The following MYO1E variants were observed in gnomAD, a reference collection of about 807,000 sequenced individuals.
The protein encoded by MYO1E is myosin IE, also known as unconventional myosin-Ie.
MYO1E carries 68 observed loss-of-function variants against 151.1 expected under a neutral mutation model. That is an observed-to-expected ratio of 0.45 (90% CI 0.37 to 0.55). MYO1E has a LOEUF of 0.55. Ranked by LOEUF, MYO1E falls within the 20% of genes least tolerant of loss-of-function variation. MYO1E has a pLI of 0.00. For missense variants in MYO1E, 1,363 were observed against 1,389.3 expected (o/e 0.98, Z 0.30); for synonymous variants, 601 against 501.7 (o/e 1.20, Z -2.64).
At chr15:59,342,738 G>T (rs2080772992) in intron 1 of MYO1E, among the ~76,000 whole-genome samples, 1 of 151,950 alleles carries the variant, frequency 6.6e-6, no homozygotes, top group Non-Finnish European at 1.5e-5. Context: ...TTCTCAGTTG[G>T]CACATTTTAA....
At chr15:59,258,472 TTTGA>T (rs774924711) in intron 3 of MYO1E, among the ~76,000 whole-genome samples, 1 of 152,264 alleles carries the variant, frequency 6.6e-6, no homozygotes, top group African/African-American at 2.4e-5. Context: ...GTTGGCCACC[TTTGA>T]TTGGCCAAAA....
intron 22 of MYO1E, among the ~76,000 whole-genome samples, chr15:59,167,053 C>A (rs896171585): frequency 6.6e-6 from 1 of 152,166 alleles, no homozygotes; most frequent in Non-Finnish European, 1.5e-5. Flanking sequence ...CTTCCAGGTT[C>A]CCAATGCTTA....
intron 9 of MYO1E, chr15:59,218,400 C>A: frequency 2.1e-6 from 1 of 473,214 alleles, no homozygotes; most frequent in Non-Finnish European, 4.0e-6. Flanking sequence ...CAGTCAAATG[C>A]CTAAAATGGA....
chr15:59,285,198 G>A (rs1230136815), intron 1 of MYO1E, among the ~76,000 whole-genome samples: 2 of 152,106 alleles, frequency 1.3e-5, no homozygotes, highest in Admixed American at 6.5e-5. Flanking sequence ...CTTGGGCAAG[G>A]CCAGTTTCAC....
chr15:59,208,810 G>A lies in MYO1E; in HGVS notation c.1401C>T (p.Cys467=), dbSNP rs532227876. ...PGIMSILDDV[C]ATMHAVGEGA... is the part of the protein sequence containing the mutation. ...CCTCACCCACCGCATGCATCGTGGC[G>A]CACACGTCATCCAGGATGCTCATGA... Residue 467 remains cysteine (C), a synonymous_variant, in exon 14 of 28, where the codon TGC becomes TGT. Transcript: ENST00000288235. 42 of 1,614,168 alleles carry A rather than the reference G, an allele frequency of 2.6e-5. No homozygotes were observed. Among genetic ancestry groups the A allele is most frequent in the East Asian group, 6.7e-5 (3 of 44,884 alleles).
chr15:59,307,050 C>T (rs1305894294), intron 1 of MYO1E, among the ~76,000 whole-genome samples: 1 of 152,190 alleles, frequency 6.6e-6, no homozygotes, highest in African/African-American at 2.4e-5. Context: ...GAAAGAGGCA[C>T]TGGGAAAGTC....
At chr15:59,164,861 C>T (rs1452368030) in intron 22 of MYO1E, among the ~76,000 whole-genome samples, 1 of 152,210 alleles carries the variant, frequency 6.6e-6, no homozygotes, top group Non-Finnish European at 1.5e-5. Flanking sequence ...TGTTGAAACT[C>T]ATTCACCAAT....
At chr15:59,313,348 T>C (rs777561651) in intron 1 of MYO1E, among the ~76,000 whole-genome samples, 10 of 152,136 alleles carry the variant, frequency 6.6e-5, no homozygotes, top group Non-Finnish European at 1.0e-4. Context: ...CTGAAGGATA[T>C]TTGGAAAAAT....
chr15:59,228,753 G>A (rs1351428977), intron 6 of MYO1E, among the ~76,000 whole-genome samples: 6 of 152,038 alleles, frequency 3.9e-5, no homozygotes, highest in Non-Finnish European at 7.4e-5. Context: ...CCCATCTCAG[G>A]GATGAATTCA....
At chr15:59,282,667 G>A (rs545687709) in intron 1 of MYO1E, among the ~76,000 whole-genome samples, 20 of 150,676 alleles carry the variant, frequency 1.3e-4, no homozygotes, top group Middle Eastern at 3.5e-3. Flanking sequence ...ACAACATAGC[G>A]AGACCCCATC....
chr15:59,268,579 T>C (rs1286748576), intron 2 of MYO1E, among the ~76,000 whole-genome samples: 1 of 152,062 alleles, frequency 6.6e-6, no homozygotes, highest in Non-Finnish European at 1.5e-5. Flanking sequence ...AAGAAATACA[T>C]GAGGCAGGAT....
intron 1 of MYO1E, among the ~76,000 whole-genome samples, chr15:59,371,781 C>T (rs1278095659): frequency 6.6e-6 from 1 of 150,564 alleles, no homozygotes; most frequent in Non-Finnish European, 1.5e-5. Flanking sequence ...ACTTGGCGTC[C>T]GGGGCGCGGA....
intron 1 of MYO1E, among the ~76,000 whole-genome samples, chr15:59,312,858 A>AAATAATAATAATAAT (rs35710505): frequency 4.0e-5 from 6 of 150,540 alleles, no homozygotes; most frequent in African/African-American, 1.5e-4. Context: ...ACTCTACTAA[A>AAATAATAATAATAAT]AATAATAATA....
intron 1 of MYO1E, among the ~76,000 whole-genome samples, chr15:59,319,061 A>T (rs1316012626): frequency 1.3e-5 from 2 of 152,194 alleles, no homozygotes; most frequent in African/African-American, 2.4e-5. Flanking sequence ...CTGTAATCCT[A>T]GCACTTTGGG....
chr15:59,247,286 C>A (rs1352325083), intron 4 of MYO1E, among the ~76,000 whole-genome samples: 3 of 152,174 alleles, frequency 2.0e-5, no homozygotes, highest in Non-Finnish European at 4.4e-5. Context: ...ACTAACCTGG[C>A]GAACCTGTCC....
intron 1 of MYO1E, among the ~76,000 whole-genome samples, chr15:59,279,787 A>G (rs2080342460): frequency 6.6e-6 from 1 of 152,264 alleles, no homozygotes; most frequent in Admixed American, 6.5e-5. Context: ...GTTGAAAATA[A>G]CAAGGGATGG....
intron 1 of MYO1E, among the ~76,000 whole-genome samples, chr15:59,335,004 T>C (rs2080719863): frequency 6.6e-6 from 1 of 152,204 alleles, no homozygotes; most frequent in African/African-American, 2.4e-5. Flanking sequence ...TCGCTAAGAA[T>C]ATCCCTGAAG....
chr15:59,278,063 G>A (rs1416937879), intron 1 of MYO1E, among the ~76,000 whole-genome samples: 1 of 152,192 alleles, frequency 6.6e-6, no homozygotes, highest in Non-Finnish European at 1.5e-5. Flanking sequence ...CTGGGTTGCT[G>A]TTGGGCACTG....
At chr15:59,218,680 TAAAG>T (rs2079934823) in intron 9 of MYO1E, among the ~76,000 whole-genome samples, 2 of 152,240 alleles carry the variant, frequency 1.3e-5, no homozygotes, top group African/African-American at 4.8e-5. Context: ...GTTTGCCAAA[TAAAG>T]AACCCTTGGA....
Sources: gnomAD v4.1 joint callset for allele counts (sites outside exome capture counted in the v4.1 genomes callset) on GRCh38, gnomAD v4.1.1 for gene constraint, MANE v1.5 for transcripts, NCBI Gene and HGNC (gene_info 2026-07-23, HGNC 2026-07-21) for gene names.